Variants in PLXNA4 observed in about 807,000 individuals in gnomAD.
PLXNA4 encodes the protein plexin-A4.
A neutral mutation model predicts 191.8 loss-of-function variants in PLXNA4; 44 were observed. That is an observed-to-expected ratio of 0.23 (90% confidence interval 0.18 to 0.29). The LOEUF (loss-of-function observed/expected upper bound fraction) is 0.29. PLXNA4 is among the 10% of genes least tolerant of loss of function. The pLI is 1.00. For missense variants in PLXNA4, 1,800 were observed against 2,488.8 expected (o/e 0.72, Z 5.89); for synonymous variants, 1,082 against 1,009.5 (o/e 1.07, Z -1.36).
Position 132,140,640 on chromosome 7 carries a change from C to T in PLXNA4, c.5397G>A (p.Leu1799=), listed in dbSNP as rs559078096. 3.1e-6 allele frequency: 5 copies of T among 1,614,124 alleles called. No homozygotes were observed. The highest frequency in any genetic ancestry group is 4.5e-5 in the East Asian group (2 of 44,884). ...LGKDSPSNKL[L]YAKDIPSYKN... The stretch of plus-strand genomic sequence containing the variant: ...TGTAGCTGGGGATGTCCTTGGCATA[C>T]AGCAGCTTGTTGGAGGGCGAGTCCT... Residue 1799 remains leucine (L), a synonymous_variant, in exon 30 of 32, where the codon CTG becomes CTA. Transcript: ENST00000321063.
chr7:132,638,031 C>T (rs1412417147), intron 2 of PLXNA4, among the ~76,000 whole-genome samples: 1 of 152,210 alleles, frequency 6.6e-6, no homozygotes, highest in East Asian at 1.9e-4. Flanking sequence ...CCACTGTCTT[C>T]CACAGCAGTG....
intron 9 of PLXNA4, among the ~76,000 whole-genome samples, chr7:132,215,454 T>C (rs1163943031): frequency 6.6e-6 from 1 of 152,264 alleles, no homozygotes; most frequent in Non-Finnish European, 1.5e-5. Flanking sequence ...CTCTGGCTGC[T>C]GGCACGGTGC....
chr7:132,337,189 T>C (rs1005181109), intron 3 of PLXNA4, among the ~76,000 whole-genome samples: 2 of 152,192 alleles, frequency 1.3e-5, no homozygotes, highest in Non-Finnish European at 2.9e-5. Flanking sequence ...TTCTCCCCCA[T>C]AAAGGCAGGG....
chr7:132,521,517 A>C (rs748661232), intron 1 of PLXNA4, among the ~76,000 whole-genome samples: 1 of 152,094 alleles, frequency 6.6e-6, no homozygotes, highest in Non-Finnish European at 1.5e-5. Context: ...TTGGGCACAC[A>C]CCTGCAAGTC....
At chr7:132,145,408 A>T in intron 28 of PLXNA4, 120 bp from the exon 29 acceptor site, 1 of 1,383,490 alleles carries the variant, frequency 7.2e-7, no homozygotes, top group South Asian at 1.4e-5. Context: ...CTACTTGGGT[A>T]AAATTGGGTA....
intron 3 of PLXNA4, among the ~76,000 whole-genome samples, chr7:132,475,416 G>A (rs1797085642): frequency 6.6e-6 from 1 of 152,166 alleles, no homozygotes; most frequent in Non-Finnish European, 1.5e-5. Flanking sequence ...CCCTCTAAGA[G>A]AGAAAATGTT....
chr7:132,590,941 C>CCAGT (rs1204991479), intron 2 of PLXNA4, among the ~76,000 whole-genome samples: 1 of 152,038 alleles, frequency 6.6e-6, no homozygotes, highest in Non-Finnish European at 1.5e-5. Flanking sequence ...TATCAAGGAC[C>CCAGT]CAGTCTCTCT....
intron 3 of PLXNA4, among the ~76,000 whole-genome samples, chr7:132,486,664 C>T (rs1797571603): frequency 6.6e-6 from 1 of 152,260 alleles, no homozygotes; most frequent in Admixed American, 6.5e-5. Flanking sequence ...TATGCCTCAC[C>T]AGCCCCACCA....
upstream of PLXNA4, among the ~76,000 whole-genome samples, chr7:132,579,904 T>C (rs1300270065): frequency 6.6e-6 from 1 of 151,956 alleles, no homozygotes; most frequent in Non-Finnish European, 1.5e-5. Context: ...TGATGACCCA[T>C]TGGATTGACT....
chr7:132,538,886 G>C (rs929370937), intron 1 of PLXNA4, among the ~76,000 whole-genome samples: 4 of 152,182 alleles, frequency 2.6e-5, no homozygotes, highest in African/African-American at 7.2e-5. Flanking sequence ...GCTCCTCTTT[G>C]ACCAAGTTGA....
chr7:132,259,128 T>C (rs1799531613), intron 4 of PLXNA4, among the ~76,000 whole-genome samples: 1 of 152,120 alleles, frequency 6.6e-6, no homozygotes, highest in Admixed American at 6.5e-5. Context: ...CAGACAGTAT[T>C]GAGCCACTTC....
intron 1 of PLXNA4, among the ~76,000 whole-genome samples, chr7:132,554,252 G>A (rs957380655): frequency 6.6e-6 from 1 of 152,176 alleles, no homozygotes; most frequent in African/African-American, 2.4e-5. Flanking sequence ...GCAGTGACAA[G>A]GACCCTGGGG....
intron 3 of PLXNA4, among the ~76,000 whole-genome samples, chr7:132,310,476 GA>G (rs1801685784): frequency 6.6e-6 from 1 of 152,146 alleles, no homozygotes; most frequent in Non-Finnish European, 1.5e-5. Flanking sequence ...ATTAACATTG[GA>G]AAAAGATCAG....
At chr7:132,451,327 G>T (rs1479843573) in intron 3 of PLXNA4, among the ~76,000 whole-genome samples, 1 of 152,170 alleles carries the variant, frequency 6.6e-6, no homozygotes, top group African/African-American at 2.4e-5. Flanking sequence ...CTTGCCCTGA[G>T]GCTTCTTGAG....
chr7:132,310,122 T>C (rs1801672084), intron 3 of PLXNA4, among the ~76,000 whole-genome samples: 1 of 152,212 alleles, frequency 6.6e-6, no homozygotes. Flanking sequence ...ATTATAGATG[T>C]CGTAACCTCA....
chr7:132,504,664 C>A (rs1798387591), intron 2 of PLXNA4, among the ~76,000 whole-genome samples: 1 of 152,212 alleles, frequency 6.6e-6, no homozygotes, highest in South Asian at 2.1e-4. Context: ...CCTTGCCCTG[C>A]CCTCTGTCAT....
At chr7:132,172,157 T>C (rs903293858) in intron 21 of PLXNA4, among the ~76,000 whole-genome samples, 3 of 152,252 alleles carry the variant, frequency 2.0e-5, no homozygotes, top group Non-Finnish European at 4.4e-5. Context: ...AAGCAAATGC[T>C]ACTCTGAAAC....
At chr7:132,173,718 C>T (rs1457359602) in intron 21 of PLXNA4, among the ~76,000 whole-genome samples, 1 of 152,262 alleles carries the variant, frequency 6.6e-6, no homozygotes, top group Non-Finnish European at 1.5e-5. Flanking sequence ...ACCCACACAG[C>T]TCCCGAGTGA....
intron 8 of PLXNA4, among the ~76,000 whole-genome samples, chr7:132,225,411 T>C (rs1305956933): frequency 1.3e-5 from 2 of 152,264 alleles, no homozygotes; most frequent in Non-Finnish European, 2.9e-5. Flanking sequence ...CGTCAGTTGG[T>C]AAATATTTGT....
Sources: gnomAD v4.1 joint callset for allele counts (sites outside exome capture counted in the v4.1 genomes callset) on GRCh38, gnomAD v4.1.1 for gene constraint, MANE v1.5 for transcripts, NCBI Gene and HGNC (gene_info 2026-07-23, HGNC 2026-07-21) for gene names.